DGKB: variants seen among roughly 807,000 people sequenced by gnomAD.
The protein encoded by DGKB is diacylglycerol kinase beta, also known as 90 kDa diacylglycerol kinase.
In DGKB, 67 loss-of-function variants were observed where a neutral mutation model predicts 114.3. The observed-to-expected ratio is 0.59, with a 90% confidence interval of 0.48 to 0.72. The LOEUF is 0.72. Among genes scored for constraint, DGKB ranks in the 30% least tolerant of loss-of-function variants. The probability of loss-of-function intolerance (pLI) is 0.00; values close to 1 mark genes in which losing one functional copy is unlikely to be tolerated. For synonymous variants in DGKB, 398 were observed against 323.1 expected, an observed-to-expected ratio of 1.23 and a Z score of -2.49; for missense variants, 907 against 975.2, an observed-to-expected ratio of 0.93 and a Z score of 0.93.
chr7:14,929,796 T>C (rs1784914290), intron 1 of DGKB, among the ~76,000 whole-genome samples: 1 of 152,104 alleles, frequency 6.6e-6, no homozygotes, highest in Non-Finnish European at 1.5e-5. Flanking sequence ...ATTCTTTGCC[T>C]AGACTAATGT....
chr7:14,812,806 A>G (rs1843618218), intron 2 of DGKB, among the ~76,000 whole-genome samples: 2 of 152,144 alleles, frequency 1.3e-5, no homozygotes, highest in South Asian at 4.1e-4. Context: ...TCAACAACTA[A>G]AATACCATGT....
chr7:14,231,131 C>CTTTCTT (rs1241537480), intron 23 of DGKB, among the ~76,000 whole-genome samples: 17 of 125,842 alleles, frequency 1.4e-4, no homozygotes, highest in African/African-American at 4.6e-4. Flanking sequence ...TTCTTTCTTT[C>CTTTCTT]TTTCTTTCTT....
chr7:14,647,843 G>T (rs1563783279), intron 13 of DGKB, among the ~76,000 whole-genome samples: 3 of 152,198 alleles, frequency 2.0e-5, no homozygotes, highest in Admixed American at 1.3e-4. Flanking sequence ...AAGCGCAAGG[G>T]GTCAGGGAGT....
intron 1 of DGKB, among the ~76,000 whole-genome samples, chr7:14,927,690 T>G (rs1784817653): frequency 6.6e-6 from 1 of 151,962 alleles, no homozygotes; most frequent in Admixed American, 6.6e-5. Flanking sequence ...CATTTCCTCA[T>G]TTTCTCCTTA....
At chr7:14,549,420 T>C (rs1041909342) in intron 20 of DGKB, among the ~76,000 whole-genome samples, 1 of 152,062 alleles carries the variant, frequency 6.6e-6, no homozygotes, top group Non-Finnish European at 1.5e-5. Context: ...TTTTAAAAAA[T>C]TGATATATAT....
chr7:14,544,724 A>C, intron 20 of DGKB, among the ~76,000 whole-genome samples: 1 of 152,196 alleles, frequency 6.6e-6, no homozygotes, highest in East Asian at 1.9e-4. Context: ...GGATAATAGT[A>C]ATGATAATAA....
intron 13 of DGKB, among the ~76,000 whole-genome samples, chr7:14,663,324 T>C (rs569851288): frequency 2.6e-5 from 4 of 152,172 alleles, no homozygotes; most frequent in South Asian, 2.1e-4. Flanking sequence ...CATATTCATA[T>C]GTTTATAGGT....
At chr7:14,324,079 T>C (rs1808304089) in intron 23 of DGKB, among the ~76,000 whole-genome samples, 1 of 151,968 alleles carries the variant, frequency 6.6e-6, no homozygotes, top group Admixed American at 6.6e-5. Context: ...GAGGGAAAAA[T>C]ATGTTGATAA....
At chr7:14,281,256 G>C (rs976324544) in intron 23 of DGKB, among the ~76,000 whole-genome samples, 8 of 151,650 alleles carry the variant, frequency 5.3e-5, no homozygotes, top group Non-Finnish European at 7.4e-5. Context: ...GATCAAAAGA[G>C]ACAAAAAAGA....
At chr7:14,721,053 C>T (rs1183420006) in intron 5 of DGKB, among the ~76,000 whole-genome samples, 1 of 152,146 alleles carries the variant, frequency 6.6e-6, no homozygotes, top group Non-Finnish European at 1.5e-5. Flanking sequence ...ATGAGCTAAT[C>T]CTCTTTTCCA....
At chr7:14,213,949 A>G (rs1788549995) in intron 23 of DGKB, among the ~76,000 whole-genome samples, 1 of 152,176 alleles carries the variant, frequency 6.6e-6, no homozygotes, top group Non-Finnish European at 1.5e-5. Flanking sequence ...AGTTATTAGT[A>G]TAGTGAGGTT....
At chr7:14,831,750 G>A (rs1254737219) in intron 2 of DGKB, among the ~76,000 whole-genome samples, 4 of 152,090 alleles carry the variant, frequency 2.6e-5, no homozygotes, top group African/African-American at 9.7e-5. Context: ...AAATATTTCA[G>A]ACCTTCCACA....
chr7:14,804,340 T>C (rs1196955620), intron 2 of DGKB, among the ~76,000 whole-genome samples: 1 of 152,126 alleles, frequency 6.6e-6, no homozygotes, highest in Non-Finnish European at 1.5e-5. Context: ...AAGATTTTTC[T>C]CCTTATCCTA....
At chr7:14,170,149 GAAAGAAAGAAAGAAAGAA>G (rs1562523238) in intron 25 of DGKB, among the ~76,000 whole-genome samples, 1 of 26,570 alleles carries the variant, frequency 3.8e-5, no homozygotes, top group Non-Finnish European at 6.7e-5. Context: ...AAAAAAAAAA[GAAAGAAAGAAAGAAAGAA>G]AGAAAGAAAG....
intron 23 of DGKB, among the ~76,000 whole-genome samples, chr7:14,304,237 T>A (rs890039612): frequency 2.0e-5 from 3 of 151,816 alleles, no homozygotes; most frequent in African/African-American, 7.3e-5. Flanking sequence ...GATTATCTTT[T>A]TATTTTTATT....
chr7:14,806,339 T>A (rs1842790791), intron 2 of DGKB, among the ~76,000 whole-genome samples: 1 of 152,098 alleles, frequency 6.6e-6, no homozygotes, highest in African/African-American at 2.4e-5. Context: ...ATATACATTA[T>A]ATGGCTATAG....
At chr7:14,735,031 G>C (rs1218081077) in intron 5 of DGKB, among the ~76,000 whole-genome samples, 3 of 152,176 alleles carry the variant, frequency 2.0e-5, no homozygotes, top group Non-Finnish European at 4.4e-5. Flanking sequence ...CAGCGTTTCA[G>C]CCCGGTGGCG....
chr7:14,235,504 G>T (rs903422177), intron 23 of DGKB, among the ~76,000 whole-genome samples: 3 of 151,994 alleles, frequency 2.0e-5, no homozygotes, highest in Non-Finnish European at 4.4e-5. Context: ...TTTTATCAGA[G>T]GTTTCATCTG....
At chr7:14,763,966 G>A (rs2128459210) in intron 2 of DGKB, among the ~76,000 whole-genome samples, 1 of 151,964 alleles carries the variant, frequency 6.6e-6, no homozygotes, top group South Asian at 2.1e-4. Context: ...GGCTCAATGG[G>A]ACCATGGAAA....
Sources: allele counts gnomAD v4.1 joint callset (sites outside exome capture counted in the v4.1 genomes callset), GRCh38; gene constraint gnomAD v4.1.1; transcripts MANE v1.5; gene names NCBI Gene and HGNC (gene_info 2026-07-23, HGNC 2026-07-21).